HEPH: variants seen among roughly 807,000 people sequenced by gnomAD.
HEPH encodes hephaestin.
Under a neutral mutation model 80.8 loss-of-function variants are expected in HEPH, and 69 were observed. The ratio of observed to expected loss-of-function variants is 0.85; its 90% CI spans 0.70 to 1.04. The LOEUF (loss-of-function observed/expected upper bound fraction) is 1.04, where lower values mean the gene tolerates loss of function less well. Ranked by LOEUF, HEPH falls within the 50% of genes least tolerant of loss-of-function variation. The probability of loss-of-function intolerance (pLI) is 0.00; values close to 1 mark genes in which losing one functional copy is unlikely to be tolerated. For synonymous variants in HEPH, 431 were observed against 322.8 expected (o/e 1.34, Z -3.60); for missense variants, 1,115 against 891.3 (o/e 1.25, Z -3.20).
At chrX:66,186,019 G>A (rs1409620260) in intron 4 of HEPH, among the ~76,000 whole-genome samples, 1 of 13,877 alleles carries the variant, frequency 7.2e-5, no homozygotes, top group Non-Finnish European at 1.2e-4. Context: ...CTGCTCGGGG[G>A]TCAGGGGTCA....
chrX:66,245,362 A>C (rs1372639442), intron 15 of HEPH, among the ~76,000 whole-genome samples: 8 of 111,774 alleles, frequency 7.2e-5, no homozygotes, highest in Non-Finnish European at 1.9e-5. Flanking sequence ...TTCAACCAAC[A>C]AAGATCAAAA....
chrX:66,163,003 C>A, upstream of HEPH: 1 of 568,899 alleles, frequency 1.8e-6, no homozygotes, highest in Non-Finnish European at 2.7e-6. Context: ...AATTGCTCCC[C>A]ACTCATTCTT....
intron 1 of HEPH, among the ~76,000 whole-genome samples, chrX:66,165,922 G>C (rs1419215424): frequency 9.1e-6 from 1 of 110,293 alleles, no homozygotes; most frequent in Non-Finnish European, 1.9e-5. Context: ...TATGGGCTTA[G>C]CTGAGAAAAA....
intron 18 of HEPH, 128 bp downstream of exon 18, chrX:66,259,107 C>A: frequency 1.4e-6 from 1 of 709,416 alleles, no homozygotes; most frequent in Non-Finnish European, 1.9e-6. Context: ...GTACATGGAG[C>A]ACTGAGCTGG....
chrX:66,167,766 T>A, intron 1 of HEPH, among the ~76,000 whole-genome samples: 1 of 112,231 alleles, frequency 8.9e-6, no homozygotes, highest in Non-Finnish European at 1.9e-5. Context: ...GCACTTAGAT[T>A]ATCACACTTC....
chrX:66,262,561 A>T (rs2091404267), intron 19 of HEPH, among the ~76,000 whole-genome samples: 1 of 112,063 alleles, frequency 8.9e-6, no homozygotes, highest in Admixed American at 9.5e-5. Flanking sequence ...TTGAAATTGG[A>T]CACAAAGGAT....
chrX:66,197,069 G>C (rs2088141634), intron 9 of HEPH, among the ~76,000 whole-genome samples: 1 of 109,654 alleles, frequency 9.1e-6, no homozygotes. Context: ...AAGTTATCTA[G>C]CTATTTTCAA....
intron 15 of HEPH, among the ~76,000 whole-genome samples, chrX:66,238,827 C>A (rs1029317148): frequency 3.6e-5 from 4 of 112,154 alleles, no homozygotes; most frequent in Non-Finnish European, 7.5e-5. Flanking sequence ...CAGTCATTAG[C>A]ATTGTTTCTA....
intron 4 of HEPH, among the ~76,000 whole-genome samples, chrX:66,179,588 G>T (rs1006666415): frequency 9.0e-6 from 1 of 111,283 alleles, no homozygotes; most frequent in Non-Finnish European, 1.9e-5. Context: ...TTGTTCCAAG[G>T]TATAGTTTAA....
At position 66,254,486 on chromosome X, in the gene HEPH, C is replaced by T. The variant is rs186229927; in HGVS notation, c.2564-549C>T. 4.8e-3 allele frequency among the ~76,000 whole-genome samples: 530 copies of T among 110,952 alleles called. 2 individuals carry two copies. Among genetic ancestry groups the T allele is most frequent in the Non-Finnish European group, 7.1e-3 (377 of 52,903 alleles). Reference sequence around the variant, plus strand: ...ATACAATCTGTTTTCCTGGTGCTGTCAGGACAATCTTTAAAAGATATTCAG... The same window carrying T: ...ATACAATCTGTTTTCCTGGTGCTGTTAGGACAATCTTTAAAAGATATTCAG... On this transcript the variant is annotated intron_variant, in intron 15 of 20. Transcript: ENST00000343002.
At chrX:66,163,062 T>C (rs1335570599), upstream of HEPH, among the ~76,000 whole-genome samples, 1 of 111,911 alleles carries the variant, frequency 8.9e-6, no homozygotes, top group Non-Finnish European at 1.9e-5. Context: ...ATGTTTAATA[T>C]CTAGACTATA....
intron 15 of HEPH, among the ~76,000 whole-genome samples, chrX:66,240,843 A>G (rs2090543803): frequency 8.9e-6 from 1 of 112,164 alleles, no homozygotes; most frequent in Admixed American, 9.5e-5. Flanking sequence ...AAATTACTTC[A>G]GGATGAACAT....
At chrX:66,207,150 G>A (rs2088829520) in intron 13 of HEPH, 45 bp from the exon 14 acceptor site, 1 of 1,159,523 alleles carries the variant, frequency 8.6e-7, no homozygotes, top group African/African-American at 1.8e-5. Context: ...ATGAAAATGA[G>A]GGGTTGATGG....
At chrX:66,205,946 C>T (rs1182979026) in intron 13 of HEPH, among the ~76,000 whole-genome samples, 1 of 111,375 alleles carries the variant, frequency 9.0e-6, no homozygotes, top group Non-Finnish European at 1.9e-5. Flanking sequence ...GAATCTAAAT[C>T]CTGGCTCACT....
Position 66,180,650 on chromosome X carries a change from A to ATT in HEPH, c.625+6859_625+6860dup, listed in dbSNP as rs766943495. Among the ~76,000 whole-genome samples, 132 of 48,171 alleles carry ATT rather than the reference A, an allele frequency of 2.7e-3. 3 individuals are homozygous for ATT. The highest frequency in any genetic ancestry group is 9.2e-3 in the African/African-American group (117 of 12,753). 41.8% of individuals were successfully genotyped at this position (48,171 alleles called of 115,157 possible). A position where few individuals can be genotyped will look rare whatever the true frequency, so the allele number is the denominator to read the frequency against. On this transcript the variant is annotated intron_variant, in intron 4 of 20. Coordinates refer to ENST00000343002, the MANE Select transcript of HEPH (RefSeq NM_001367233.3). Reference sequence around the variant, plus strand: ...TCTTTTTTTTTTTTTTCACAGCTGTATTTTTTTTTTTCAGTCATTATTTGT... The same window carrying ATT: ...TCTTTTTTTTTTTTTTCACAGCTGTATTTTTTTTTTTTTCAGTCATTATTTGT...
rs151003259 is a variant in HEPH at position 66,197,712 on chromosome X, C to T, written c.1531C>T (p.Pro511Ser). 1,938 of 1,209,965 alleles carry T rather than the reference C, an allele frequency of 1.6e-3. 5 individuals carry two copies. Among genetic ancestry groups the T allele is most frequent in the Non-Finnish European group, 2.1e-3 (1,838 of 895,050 alleles). ...ATCTTACCCTGGCTTGGTTGCCAAGCCCTTTGAGAAAGTAACATACCGCTG... is the reference window on the plus strand; with the variant it reads ...ATCTTACCCTGGCTTGGTTGCCAAGTCCTTTGAGAAAGTAACATACCGCTG... ...GSSYPGLVAK[P>S]FEKVTYRWTV... is the part of the protein sequence containing the mutation. Residue 511 changes from proline to serine, a missense_variant, in exon 10 of 21, where the codon CCC becomes TCC. By Grantham distance (74) the Pro-to-Ser change is moderately conservative (BLOSUM62 -1). Transcript: ENST00000343002.
chrX:66,196,272 A>T (rs2088088285), intron 9 of HEPH, among the ~76,000 whole-genome samples: 1 of 111,561 alleles, frequency 9.0e-6, no homozygotes, highest in Non-Finnish European at 1.9e-5. Context: ...AACAAACAAA[A>T]ACTGTATGTA....
chrX:66,200,942 C>T (rs1207085434), intron 12 of HEPH, among the ~76,000 whole-genome samples, 190 bp downstream of exon 12: 1 of 111,639 alleles, frequency 9.0e-6, no homozygotes, highest in Non-Finnish European at 1.9e-5. Flanking sequence ...CCCTACTCAG[C>T]TGCAGGCAGA....
Position 66,195,232 on chromosome X carries a change from G to A in HEPH, c.1501+3G>A, listed in dbSNP as rs1373000530. ...TGAAGGCACTGTGTACAATGATGGT[G>A]AGCCAACAGGGTTTCTAGTAAATGT... On this transcript the variant is annotated splice_donor_region_variant and intron_variant, in intron 9 of 20. Coordinates refer to ENST00000343002, the MANE Select transcript of HEPH (RefSeq NM_001367233.3). 8.6e-7 allele frequency: 1 copy of A among 1,162,204 alleles called. No individual in the cohort carries two copies. Among genetic ancestry groups the A allele is most frequent in the South Asian group, 2.1e-5 (1 of 47,149 alleles).
Sources: allele counts gnomAD v4.1 joint callset (sites outside exome capture counted in the v4.1 genomes callset), GRCh38; gene constraint gnomAD v4.1.1; transcripts MANE v1.5; gene names NCBI Gene and HGNC (gene_info 2026-07-23, HGNC 2026-07-21).